The following GRM8 variants were observed in gnomAD, a reference collection of about 807,000 sequenced individuals.
GRM8 encodes the protein glutamate metabotropic receptor 8.
A neutral mutation model predicts 87.2 loss-of-function variants in GRM8; 47 were observed. The observed-to-expected ratio is 0.54, with a 90% CI of 0.43 to 0.69. GRM8 has a LOEUF of 0.69. Ranked by LOEUF, GRM8 falls within the 30% of genes least tolerant of loss-of-function variation. The pLI, the probability that GRM8 is intolerant of heterozygous loss-of-function variation, is 0.00. For synonymous variants in GRM8, 396 were observed against 404.5 expected (o/e 0.98, Z 0.25); for missense variants, 1,019 against 1,139.2 (o/e 0.89, Z 1.52).
At chr7:127,190,486 G>C (rs1400137387) in intron 2 of GRM8, among the ~76,000 whole-genome samples, 1 of 151,928 alleles carries the variant, frequency 6.6e-6, no homozygotes, top group Non-Finnish European at 1.5e-5. Context: ...AGAGGTTGCA[G>C]TGAGCCGGGA....
At chr7:126,554,898 T>G (rs1228613895) in intron 8 of GRM8, among the ~76,000 whole-genome samples, 3 of 152,320 alleles carry the variant, frequency 2.0e-5, no homozygotes, top group East Asian at 3.9e-4. Context: ...CTTCCTGTTT[T>G]GTTTGGCAAA....
At position 126,779,629 on chromosome 7, in the gene GRM8, T is replaced by C. The variant is rs148173633; in HGVS notation, c.1157-9564A>G. Among the ~76,000 whole-genome samples, 825 of 152,294 alleles carry C rather than the reference T, an allele frequency of 5.4e-3. 13 individuals are homozygous for C. Among genetic ancestry groups the C allele is most frequent in the African/African-American group, 0.019 (775 of 41,582 alleles). On this transcript the variant is annotated intron_variant, in intron 6 of 10. Coordinates refer to ENST00000339582, the MANE Select transcript of GRM8 (RefSeq NM_000845.3). Reference sequence around the variant, plus strand: ...AGAGTCTGTTTATTCAAATCTTCTTTAGGAATCCTTAATAAAGATATGTCA... The same window carrying C: ...AGAGTCTGTTTATTCAAATCTTCTTCAGGAATCCTTAATAAAGATATGTCA...
intron 3 of GRM8, among the ~76,000 whole-genome samples, chr7:126,934,832 G>A (rs1007207261): frequency 2.0e-5 from 3 of 152,160 alleles, no homozygotes; most frequent in African/African-American, 7.2e-5. Flanking sequence ...TGGAGGTTTG[G>A]AGCCATGTGT....
At chr7:126,627,482 C>A (rs566434422) in intron 7 of GRM8, among the ~76,000 whole-genome samples, 2 of 152,282 alleles carry the variant, frequency 1.3e-5, no homozygotes, top group African/African-American at 4.8e-5. Context: ...ATCAAGTTTT[C>A]TGCAAATATT....
chr7:126,582,169 G>A (rs907912337), intron 8 of GRM8, among the ~76,000 whole-genome samples: 1 of 149,316 alleles, frequency 6.7e-6, no homozygotes, highest in African/African-American at 2.4e-5. Context: ...AAAAGTTATT[G>A]AAGAAAATAA....
intron 7 of GRM8, among the ~76,000 whole-genome samples, chr7:126,642,454 C>T (rs1027417383): frequency 6.6e-6 from 1 of 151,828 alleles, no homozygotes; most frequent in African/African-American, 2.4e-5. Context: ...CTGGCTAACA[C>T]GGTGAAACCC....
chr7:126,928,922 G>T (rs578127819), intron 3 of GRM8, among the ~76,000 whole-genome samples: 2 of 152,278 alleles, frequency 1.3e-5, no homozygotes, highest in South Asian at 4.2e-4. Context: ...GTCCAATCTG[G>T]CTGTATCAGA....
At chr7:126,714,637 T>C (rs1811514381) in intron 7 of GRM8, among the ~76,000 whole-genome samples, 1 of 152,082 alleles carries the variant, frequency 6.6e-6, no homozygotes, top group Non-Finnish European at 1.5e-5. Flanking sequence ...TGAAATGCAA[T>C]ATAGGCAGTG....
intron 3 of GRM8, among the ~76,000 whole-genome samples, chr7:127,062,839 T>C (rs564985429): frequency 6.6e-6 from 1 of 152,358 alleles, no homozygotes; most frequent in African/African-American, 2.4e-5. Flanking sequence ...CTTTTATATC[T>C]GTGGGGGTCA....
chr7:127,167,367 A>G (rs1252425458), intron 2 of GRM8, among the ~76,000 whole-genome samples: 1 of 152,146 alleles, frequency 6.6e-6, no homozygotes, highest in Non-Finnish European at 1.5e-5. Context: ...TTAATAATAT[A>G]TATGCAAACT....
chr7:126,524,243 T>A (rs1285441463), intron 9 of GRM8, among the ~76,000 whole-genome samples: 5 of 152,166 alleles, frequency 3.3e-5, no homozygotes, highest in African/African-American at 1.2e-4. Context: ...CTGACATGCC[T>A]TTTTTTGGAT....
intron 8 of GRM8, among the ~76,000 whole-genome samples, chr7:126,603,338 C>T (rs1240884781): frequency 4.1e-5 from 6 of 147,342 alleles, no homozygotes; most frequent in African/African-American, 7.5e-5. Context: ...GACAGGGATG[C>T]CCTCTCTCAC....
At chr7:126,615,683 T>C (rs1007156803) in intron 7 of GRM8, among the ~76,000 whole-genome samples, 3 of 152,066 alleles carry the variant, frequency 2.0e-5, no homozygotes, top group Admixed American at 2.0e-4. Context: ...GAGGAAGATC[T>C]ACCAAGCAAA....
At chr7:126,471,342 T>C (rs1288370480) in intron 9 of GRM8, among the ~76,000 whole-genome samples, 2 of 152,168 alleles carry the variant, frequency 1.3e-5, no homozygotes, top group African/African-American at 4.8e-5. Flanking sequence ...TTTAAGTCTT[T>C]AATCCATCTT....
intron 6 of GRM8, among the ~76,000 whole-genome samples, chr7:126,781,584 T>C (rs979580211): frequency 5.9e-5 from 9 of 152,362 alleles, no homozygotes; most frequent in East Asian, 1.9e-4. Flanking sequence ...CTTTCCATTA[T>C]CTTTTTAAGA....
chr7:126,955,120 A>AATGAGGAAAAGGT (rs1198258657), intron 3 of GRM8, among the ~76,000 whole-genome samples: 1 of 152,166 alleles, frequency 6.6e-6, no homozygotes, highest in Admixed American at 6.5e-5. Context: ...CCCAAACAAA[A>AATGAGGAAAAGGT]ATGAGGAAAA....
In GRM8 at chr7:126,679,237, T is replaced by C. The variant is rs139079805; in HGVS notation, c.1358-69739A>G. Among the ~76,000 whole-genome samples the C allele has an allele frequency of 8.7e-3, 1,326 of 152,372 alleles. 11 individuals are homozygous for C. The highest frequency in any genetic ancestry group is 0.013 in the Non-Finnish European group (858 of 68,032). On this transcript the variant is annotated intron_variant, in intron 7 of 10. Transcript: ENST00000339582. ...TTTTTAAATTATTGCAGTTCATTTT[T>C]ACATGTCTAAAATTATTGCATCAAA...
At position 126,978,199 on chromosome 7, in the gene GRM8, G is replaced by A. The variant is rs183351925; in HGVS notation, c.728-73516C>T. Among the ~76,000 whole-genome samples, 77 of 151,986 alleles carry A rather than the reference G, an allele frequency of 5.1e-4. No homozygotes were observed. The East Asian group carries it at 0.014, about 27-fold the overall frequency. ...GGAAGGAGAAAAAGAGTAGGGAAGC[G>A]GAGGGGAGGAAAAGACAGGAGAGGA... On this transcript the variant is annotated intron_variant, in intron 3 of 10. Transcript: ENST00000339582.
chr7:127,198,563 T>G (rs1040617981), intron 2 of GRM8, among the ~76,000 whole-genome samples: 1 of 152,188 alleles, frequency 6.6e-6, no homozygotes, highest in Non-Finnish European at 1.5e-5. Context: ...GTTCCTTTCA[T>G]TGAGAGATGT....
Sources: gnomAD v4.1 joint callset for allele counts (sites outside exome capture counted in the v4.1 genomes callset) on GRCh38, gnomAD v4.1.1 for gene constraint, MANE v1.5 for transcripts, NCBI Gene and HGNC (gene_info 2026-07-23, HGNC 2026-07-21) for gene names.